RERG: variants seen among roughly 807,000 people sequenced by gnomAD.
The protein encoded by RERG is ras-related and estrogen-regulated growth inhibitor.
In RERG, 25 loss-of-function variants were observed where a neutral mutation model predicts 23.2. The observed-to-expected ratio is 1.08, with a 90% confidence interval of 0.79 to 1.50. The LOEUF (loss-of-function observed/expected upper bound fraction) is 1.50. Ranked by LOEUF, RERG falls within the 40% of genes most tolerant of loss-of-function variation. The pLI, the probability that RERG is intolerant of heterozygous loss-of-function variation, is 0.00. For missense variants in RERG, 253 were observed against 250.1 expected, an observed-to-expected ratio of 1.01 and a Z score of -0.08; for synonymous variants, 81 against 89.1, an observed-to-expected ratio of 0.91 and a Z score of 0.51.
intron 4 of RERG, chr12:15,111,125 G>A (rs1370101959): frequency 4.8e-6 from 2 of 414,294 alleles, no homozygotes; most frequent in East Asian, 7.8e-5. Context: ...GAATATTATA[G>A]TATTTTCAAA....
intron 2 of RERG, among the ~76,000 whole-genome samples, chr12:15,182,347 C>T (rs531591077): frequency 4.6e-5 from 7 of 152,204 alleles, no homozygotes; most frequent in East Asian, 1.9e-4. Context: ...TGTTAGCCAC[C>T]GTGCCCGGCC....
intron 2 of RERG, among the ~76,000 whole-genome samples, chr12:15,128,351 T>C (rs950064795): frequency 6.6e-6 from 1 of 152,212 alleles, no homozygotes; most frequent in Admixed American, 6.5e-5. Context: ...TATCTGAAGA[T>C]GTAGGCGATG....
In RERG at chr12:15,148,283, G is replaced by T. The variant is rs76228123; in HGVS notation, c.62-27164C>A. 4.7e-3 allele frequency among the ~76,000 whole-genome samples: 716 copies of T among 152,316 alleles called. 1 individual carries two copies. Among genetic ancestry groups the T allele is most frequent in the Non-Finnish European group, 8.7e-3 (590 of 68,028 alleles). On this transcript the variant is annotated intron_variant, in intron 2 of 4. Transcript: ENST00000256953. ...AAGTCAGAAGACACCCAGAAGGCTAGGCAGACTGGCCATGATGGGGACTTC... is the reference window on the plus strand; with the variant it reads ...AAGTCAGAAGACACCCAGAAGGCTATGCAGACTGGCCATGATGGGGACTTC...
At chr12:15,148,402 G>C (rs1864369809) in intron 2 of RERG, among the ~76,000 whole-genome samples, 1 of 152,134 alleles carries the variant, frequency 6.6e-6, no homozygotes, top group Non-Finnish European at 1.5e-5. Flanking sequence ...AGAAATGCGG[G>C]GGGGAAATGA....
chr12:15,155,588 C>A (rs1215685621), intron 2 of RERG, among the ~76,000 whole-genome samples: 2 of 152,082 alleles, frequency 1.3e-5, no homozygotes, highest in Non-Finnish European at 2.9e-5. Flanking sequence ...AAACTAGGAC[C>A]TGAAAGTGGT....
intron 3 of RERG, among the ~76,000 whole-genome samples, chr12:15,116,990 TAAA>T (rs1289123072): frequency 2.0e-5 from 3 of 152,146 alleles, no homozygotes; most frequent in Admixed American, 2.0e-4. Context: ...AATGAGGCAT[TAAA>T]AGTTACACTT....
At chr12:15,142,744 T>C (rs1204822285) in intron 2 of RERG, among the ~76,000 whole-genome samples, 1 of 152,060 alleles carries the variant, frequency 6.6e-6, no homozygotes, top group Non-Finnish European at 1.5e-5. Context: ...AACACCAGTC[T>C]CCCTCATAAG....
At chr12:15,197,339 G>A (rs1404943468) in intron 2 of RERG, among the ~76,000 whole-genome samples, 1 of 152,084 alleles carries the variant, frequency 6.6e-6, no homozygotes, top group Non-Finnish European at 1.5e-5. Context: ...GAAACAATTG[G>A]GAGATGTTTG....
chr12:15,155,370 A>T (rs1188314318), intron 2 of RERG: 1 of 152,214 alleles, frequency 6.6e-6, no homozygotes. Flanking sequence ...AACCAAGCTG[A>T]TCAACCCTCC....
chr12:15,150,444 T>C (rs1162325085), intron 2 of RERG, among the ~76,000 whole-genome samples: 1 of 152,140 alleles, frequency 6.6e-6, no homozygotes, highest in Non-Finnish European at 1.5e-5. Context: ...TTTCATTACC[T>C]GAAACAGGGA....
chr12:15,167,602 T>C (rs888113457), intron 2 of RERG, among the ~76,000 whole-genome samples: 22 of 152,182 alleles, frequency 1.4e-4, no homozygotes, highest in African/African-American at 5.1e-4. Flanking sequence ...CCTTTAAATA[T>C]GCCAAAAAGA....
At chr12:15,164,643 A>G (rs1864661073) in intron 2 of RERG, among the ~76,000 whole-genome samples, 1 of 152,192 alleles carries the variant, frequency 6.6e-6, no homozygotes. Flanking sequence ...CCTGAGCTGT[A>G]TAGACTTTGT....
At chr12:15,168,844 T>C (rs1315252099) in intron 2 of RERG, among the ~76,000 whole-genome samples, 4 of 152,226 alleles carry the variant, frequency 2.6e-5, no homozygotes, top group African/African-American at 9.6e-5. Flanking sequence ...AATTCGCAGA[T>C]GAGGAAACAA....
chr12:15,156,287 C>T (rs750978270), intron 2 of RERG, among the ~76,000 whole-genome samples: 6 of 152,158 alleles, frequency 3.9e-5, no homozygotes, highest in Non-Finnish European at 8.8e-5. Flanking sequence ...TGCCAAATGT[C>T]ATTTAAGGGT....
intron 2 of RERG, among the ~76,000 whole-genome samples, chr12:15,191,619 A>T (rs1239077004): frequency 6.6e-6 from 1 of 152,168 alleles, no homozygotes; most frequent in African/African-American, 2.4e-5. Flanking sequence ...TCCATGATCC[A>T]GCCAAGTTAA....
chr12:15,198,473 A>G (rs1010164156), intron 2 of RERG, among the ~76,000 whole-genome samples: 5 of 152,070 alleles, frequency 3.3e-5, no homozygotes, highest in African/African-American at 1.2e-4. Context: ...AGGCTCAGAA[A>G]CTTCACTCTG....
chr12:15,113,362 TA>T (rs1234715186), intron 3 of RERG, among the ~76,000 whole-genome samples: 1 of 151,816 alleles, frequency 6.6e-6, no homozygotes, highest in African/African-American at 2.4e-5. Context: ...TGAAAAGATA[TA>T]AAAAGAGGGC....
In RERG at chr12:15,217,591, A is replaced by C. The variant is rs528802813; in HGVS notation, c.-102T>G. 321 of 840,020 alleles carry C rather than the reference A, an allele frequency of 3.8e-4. 4 individuals are homozygous for C. In the South Asian group the frequency reaches 4.5e-3, roughly 12 times the overall value. 52.0% of individuals were successfully genotyped at this position (840,020 alleles called of 1,614,324 possible). On this transcript the variant is annotated 5_prime_UTR_variant, in exon 2 of 5. Coordinates refer to ENST00000256953, the MANE Select transcript of RERG (RefSeq NM_032918.3). ...TCACCATATCATTGTGAATCTTGGA[A>C]GAGTCCACAATCCTTAAACAAAAGA...
chr12:15,142,080 T>C (rs948392998), intron 2 of RERG, among the ~76,000 whole-genome samples: 1 of 152,232 alleles, frequency 6.6e-6, no homozygotes, highest in Admixed American at 6.5e-5. Flanking sequence ...TTAAAGAATG[T>C]GCAAGAACAC....
Sources: allele counts gnomAD v4.1 joint callset (sites outside exome capture counted in the v4.1 genomes callset), GRCh38; gene constraint gnomAD v4.1.1; transcripts MANE v1.5; gene names NCBI Gene and HGNC (gene_info 2026-07-23, HGNC 2026-07-21).